The following DMD variants were observed in gnomAD, a reference collection of about 807,000 sequenced individuals.
The protein encoded by DMD is dystrophin.
DMD carries 63 observed loss-of-function variants against 330.1 expected under a neutral mutation model. That is an observed-to-expected ratio of 0.19 (90% CI 0.16 to 0.24). The LOEUF is 0.24. DMD is among the 10% of genes least tolerant of loss of function. The pLI, the probability that DMD is intolerant of heterozygous loss-of-function variation, is 1.00. For synonymous variants in DMD, 1,223 were observed against 959.8 expected (o/e 1.27, Z -5.07); for missense variants, 3,344 against 2,684.1 (o/e 1.25, Z -5.43).
At chrX:31,494,852 G>A (rs2069674027) in intron 57 of DMD, among the ~76,000 whole-genome samples, 1 of 111,929 alleles carries the variant, frequency 8.9e-6, no homozygotes, top group Non-Finnish European at 1.9e-5. Flanking sequence ...CTGACTCCTA[G>A]TGCACATGTC....
At position 33,211,214 on chromosome X, in the gene DMD, T is replaced by C. The variant is rs398123925; in HGVS notation, c.31+68A>G. 1.5e-4 allele frequency: 177 copies of C among 1,150,708 alleles called. No individual in the cohort carries two copies. The highest frequency in any genetic ancestry group is 2.0e-4 in the Non-Finnish European group (171 of 849,651). 94.8% of individuals were successfully genotyped at this position (1,150,708 alleles called of 1,213,427 possible). ...GATAATTTAAAATCAATCTACCTAA[T>C]TAGTGAGCTTGTCACAAACTAAACG... On this transcript the variant is annotated intron_variant, in intron 1 of 78. Transcript: ENST00000357033.
chrX:33,115,404 T>TG (rs35888881), intron 1 of DMD, among the ~76,000 whole-genome samples: 56 of 110,931 alleles, frequency 5.0e-4, no homozygotes, highest in Non-Finnish European at 7.9e-4. Flanking sequence ...ACAAGTGTAA[T>TG]GGGGGGATCT....
chrX:31,475,008 C>T (rs1431090567), intron 59 of DMD, among the ~76,000 whole-genome samples: 1 of 110,352 alleles, frequency 9.1e-6, no homozygotes, highest in Non-Finnish European at 1.9e-5. Flanking sequence ...GAAGAGCTAC[C>T]GAAGGGAGAT....
At chrX:33,314,190 C>T (rs1249313304) in intron 1 of DMD, among the ~76,000 whole-genome samples, 1 of 110,921 alleles carries the variant, frequency 9.0e-6, no homozygotes, top group Non-Finnish European at 1.9e-5. Flanking sequence ...TTAAACTCTA[C>T]TAGTTTCCTA....
intron 55 of DMD, among the ~76,000 whole-genome samples, chrX:31,616,638 A>G (rs1327650843): frequency 8.9e-6 from 1 of 112,429 alleles, no homozygotes; most frequent in Admixed American, 9.4e-5. Flanking sequence ...ACAAGTGAAT[A>G]AAGCAGATGA....
intron 62 of DMD, among the ~76,000 whole-genome samples, chrX:31,279,045 G>T (rs1224041276): frequency 8.9e-6 from 1 of 112,410 alleles, no homozygotes; most frequent in Non-Finnish European, 1.9e-5. Flanking sequence ...TTTCAAAAGA[G>T]TGACCAGCTT....
At chrX:33,122,594 CTT>C (rs1569555777) in intron 1 of DMD, among the ~76,000 whole-genome samples, 1 of 112,149 alleles carries the variant, frequency 8.9e-6, no homozygotes, top group Non-Finnish European at 1.9e-5. Context: ...AAATCTGACT[CTT>C]AACTTTCAAA....
chrX:32,663,982 AG>A (rs1217139064), intron 9 of DMD, among the ~76,000 whole-genome samples: 1 of 111,457 alleles, frequency 9.0e-6, no homozygotes, highest in Admixed American at 9.6e-5. Context: ...CTTATAAAAC[AG>A]CAGGACTGCA....
intron 44 of DMD, among the ~76,000 whole-genome samples, chrX:32,179,227 G>T (rs933745203): frequency 1.8e-5 from 2 of 110,618 alleles, no homozygotes; most frequent in Admixed American, 9.7e-5. Flanking sequence ...ATGAGATAAA[G>T]AAAAGAGTGA....
chrX:31,866,659 A>G (rs1488007000), intron 48 of DMD, among the ~76,000 whole-genome samples: 1 of 112,360 alleles, frequency 8.9e-6, no homozygotes, highest in African/African-American at 3.2e-5. Context: ...AAGACTTACT[A>G]ATGGTTAAAA....
chrX:32,769,886 G>T (rs2073417056), intron 7 of DMD, among the ~76,000 whole-genome samples: 1 of 110,769 alleles, frequency 9.0e-6, no homozygotes, highest in Admixed American at 9.6e-5. Flanking sequence ...CCAGCTTCAT[G>T]GAATAGTCAT....
intron 43 of DMD, among the ~76,000 whole-genome samples, chrX:32,260,188 T>C (rs903836757): frequency 9.0e-6 from 1 of 111,133 alleles, no homozygotes; most frequent in African/African-American, 3.3e-5. Flanking sequence ...AGGTACTTGA[T>C]AGTTAGTGTC....
intron 9 of DMD, among the ~76,000 whole-genome samples, chrX:32,671,211 T>C (rs894541462): frequency 1.8e-5 from 2 of 111,068 alleles, no homozygotes; most frequent in African/African-American, 3.3e-5. Context: ...TAGGTACTTA[T>C]ATAATGTTCT....
At chrX:33,009,472 GTATGTGTATACACATGTGTGTA>G (rs2093560602) in intron 2 of DMD, among the ~76,000 whole-genome samples, 1 of 60,512 alleles carries the variant, frequency 1.7e-5, no homozygotes, top group Non-Finnish European at 3.0e-5. Flanking sequence ...ACATATGTGT[GTATGTGTATACACATGTGTGTA>G]TATGTATATG....
intron 68 of DMD, among the ~76,000 whole-genome samples, chrX:31,181,356 C>G (rs973826204): frequency 9.0e-6 from 1 of 111,345 alleles, no homozygotes; most frequent in East Asian, 2.8e-4. Flanking sequence ...GTGCTGGGTC[C>G]TAAAATAATA....
chrX:32,768,781 A>G (rs2073281804), intron 7 of DMD, among the ~76,000 whole-genome samples: 1 of 112,246 alleles, frequency 8.9e-6, no homozygotes, highest in Non-Finnish European at 1.9e-5. Flanking sequence ...TGAAGCTGAT[A>G]GTTCCTAACT....
chrX:31,762,472 G>A (rs1208884315), intron 51 of DMD, among the ~76,000 whole-genome samples: 1 of 111,508 alleles, frequency 9.0e-6, no homozygotes, highest in Non-Finnish European at 1.9e-5. Flanking sequence ...AGGAGGCTGA[G>A]GCAGGAGAAT....
At chrX:31,234,365 G>A (rs1469635565) in intron 63 of DMD, among the ~76,000 whole-genome samples, 2 of 112,496 alleles carry the variant, frequency 1.8e-5, no homozygotes, top group South Asian at 3.6e-4. Flanking sequence ...ACTTTCCAGC[G>A]ATTAATTCTT....
intron 63 of DMD, among the ~76,000 whole-genome samples, chrX:31,232,194 G>C (rs1234233161): frequency 9.1e-6 from 1 of 109,620 alleles, no homozygotes; most frequent in Non-Finnish European, 1.9e-5. Flanking sequence ...AGGAAGAGTG[G>C]GCACAGATAA....
Sources: gnomAD v4.1 joint callset for allele counts (sites outside exome capture counted in the v4.1 genomes callset) on GRCh38, gnomAD v4.1.1 for gene constraint, MANE v1.5 for transcripts, NCBI Gene and HGNC (gene_info 2026-07-23, HGNC 2026-07-21) for gene names.